ARID1B: variants seen among roughly 807,000 people sequenced by gnomAD.
ARID1B encodes the protein AT-rich interaction domain 1B.
In ARID1B, 30 loss-of-function variants were observed where a neutral mutation model predicts 212.3. That is an observed-to-expected ratio of 0.14 (90% CI 0.11 to 0.19). The LOEUF (loss-of-function observed/expected upper bound fraction) is 0.19. ARID1B is among the 10% of genes least tolerant of loss of function. ARID1B has a pLI of 1.00. For synonymous variants in ARID1B, 1,402 were observed against 1,301.7 expected, an observed-to-expected ratio of 1.08 and a Z score of -1.66; for missense variants, 2,891 against 3,204.0, an observed-to-expected ratio of 0.90 and a Z score of 2.36.
chr6:156,789,448 C>T (rs193047755), intron 1 of ARID1B, among the ~76,000 whole-genome samples: 9 of 152,276 alleles, frequency 5.9e-5, no homozygotes, highest in South Asian at 2.1e-4. Flanking sequence ...AGGCATCATG[C>T]TGGGTGATGG....
chr6:156,956,150 G>A (rs1641144133), intron 4 of ARID1B, among the ~76,000 whole-genome samples: 1 of 152,146 alleles, frequency 6.6e-6, no homozygotes. Flanking sequence ...GTGCACAGGG[G>A]CTGCCTCTAG....
chr6:157,077,401 A>G (rs2128445777), intron 4 of ARID1B, among the ~76,000 whole-genome samples: 1 of 152,246 alleles, frequency 6.6e-6, no homozygotes, highest in East Asian at 1.9e-4. Context: ...GTTCCTTGGC[A>G]TAAGCACGTG....
intron 1 of ARID1B, among the ~76,000 whole-genome samples, chr6:156,817,770 TTTA>T (rs1257346913): frequency 6.6e-6 from 1 of 152,164 alleles, no homozygotes; most frequent in Non-Finnish European, 1.5e-5. Flanking sequence ...CTACATTTAC[TTTA>T]TTATTCTGTC....
At chr6:157,046,147 A>G (rs1350763833) in intron 4 of ARID1B, among the ~76,000 whole-genome samples, 1 of 152,208 alleles carries the variant, frequency 6.6e-6, no homozygotes, top group Non-Finnish European at 1.5e-5. Flanking sequence ...TACCTGTAAT[A>G]TTTTGATACA....
chr6:157,022,717 A>G (rs1780396169), intron 4 of ARID1B: 1 of 151,828 alleles, frequency 6.6e-6, no homozygotes, highest in Non-Finnish European at 1.5e-5. Context: ...CATAAATTCT[A>G]ATTTGTTCTC....
intron 4 of ARID1B, among the ~76,000 whole-genome samples, chr6:157,027,678 C>G (rs1780746597): frequency 6.6e-6 from 1 of 152,200 alleles, no homozygotes; most frequent in African/African-American, 2.4e-5. Context: ...TCATTCTCAC[C>G]TAATCAATAA....
intron 1 of ARID1B, among the ~76,000 whole-genome samples, chr6:156,828,833 A>G (rs1209382934): frequency 6.6e-6 from 1 of 152,284 alleles, no homozygotes; most frequent in South Asian, 2.1e-4. Flanking sequence ...CTTTGAAGGC[A>G]GAAAATGTTA....
At chr6:156,823,688 G>GTTTTTTTTT (rs56983474) in intron 1 of ARID1B, among the ~76,000 whole-genome samples, 1 of 118,030 alleles carries the variant, frequency 8.5e-6, no homozygotes, top group Non-Finnish European at 1.8e-5. Context: ...TTTCTTTGTT[G>GTTTTTTTTT]TTTTTTTTTT....
chr6:156,893,222 C>T (rs1334843430), intron 2 of ARID1B, among the ~76,000 whole-genome samples: 1 of 151,856 alleles, frequency 6.6e-6, no homozygotes, highest in Non-Finnish European at 1.5e-5. Flanking sequence ...TTTGTATTTT[C>T]ACCACATTGG....
chr6:157,207,368 T>A lies in ARID1B; in HGVS notation c.6596T>A (p.Leu2199Gln). 1.2e-6 allele frequency: 2 copies of A among 1,614,220 alleles called. No homozygotes were observed. The highest frequency in any genetic ancestry group is 1.7e-6 in the Non-Finnish European group (2 of 1,180,038). ...PFPTVGPNSV[L>Q]SPQRLVLETL... is the part of the protein sequence containing the mutation. ...CCAACTGTGGGACCCAACTCGGTCC[T>A]GTCGCCTCAGAGACTTGTGCTGGAG... The change falls in exon 20 of 20, where the codon CTG (leucine) becomes CAG (glutamine). Residue 2199 changes from leucine to glutamine, a missense_variant. Transcript: ENST00000636930. This position sits in a 1 kb window ranked among gnomAD's most constrained non-coding sequence, Gnocchi z 8.5.
chr6:156,992,584 C>T (rs1429600836), intron 4 of ARID1B, among the ~76,000 whole-genome samples: 2 of 152,198 alleles, frequency 1.3e-5, no homozygotes, highest in African/African-American at 4.8e-5. Flanking sequence ...AGACGGCTAG[C>T]ACCAGGGCCG....
intron 4 of ARID1B, among the ~76,000 whole-genome samples, chr6:157,033,684 G>C (rs1562564709): frequency 6.6e-6 from 1 of 152,174 alleles, no homozygotes; most frequent in Non-Finnish European, 1.5e-5. Context: ...TGTGCTTTAG[G>C]AGAGTGAGGA....
intron 4 of ARID1B, among the ~76,000 whole-genome samples, chr6:156,973,466 G>T (rs879448408): frequency 3.3e-5 from 5 of 152,066 alleles, no homozygotes; most frequent in Middle Eastern, 3.2e-3. Context: ...CATATGTAGG[G>T]TTATTTTACT....
At chr6:156,890,554 C>G (rs1324452506) in intron 2 of ARID1B, among the ~76,000 whole-genome samples, 1 of 151,996 alleles carries the variant, frequency 6.6e-6, no homozygotes, top group Non-Finnish European at 1.5e-5. Context: ...TGTTTATGGC[C>G]CAGAAGTTAC....
At chr6:156,881,765 G>C (rs1053584427) in intron 2 of ARID1B, among the ~76,000 whole-genome samples, 11 of 152,144 alleles carry the variant, frequency 7.2e-5, no homozygotes, top group African/African-American at 2.4e-4. Context: ...TATTCGATTT[G>C]GGGTGGCGGC....
chr6:156,914,288 A>G (rs930588480), intron 3 of ARID1B, among the ~76,000 whole-genome samples: 2 of 152,190 alleles, frequency 1.3e-5, no homozygotes, highest in African/African-American at 4.8e-5. Flanking sequence ...ATCATGCGGT[A>G]TGAAACAGCT....
In ARID1B at chr6:157,203,308, G is replaced by A. The variant is rs1284734735; in HGVS notation, c.5264-558G>A. 6.6e-6 allele frequency among the ~76,000 whole-genome samples: 1 copy of A among 152,212 alleles called. No individual in the cohort carries two copies. On this transcript the variant is annotated intron_variant, in intron 18 of 19. Coordinates refer to ENST00000636930, the MANE Select transcript of ARID1B (RefSeq NM_001374828.1). This position sits in a 1 kb window ranked among gnomAD's most constrained non-coding sequence, Gnocchi z 4.4. The stretch of plus-strand genomic sequence containing the variant: ...CCTGAGAAATCTGAGCCATCAAAGT[G>A]CTAATATTTATCACAGCATGTTCTG...
At chr6:157,131,129 A>G (rs1458170009) in intron 6 of ARID1B, among the ~76,000 whole-genome samples, 1 of 152,136 alleles carries the variant, frequency 6.6e-6, no homozygotes, top group Non-Finnish European at 1.5e-5. Context: ...CCAAGCACCT[A>G]TGTGTCGTAC....
chr6:156,963,938 T>C (rs1794570711), intron 4 of ARID1B, among the ~76,000 whole-genome samples: 1 of 152,258 alleles, frequency 6.6e-6, no homozygotes, highest in African/African-American at 2.4e-5. Context: ...CCCTTTTCTT[T>C]AGTATGAATA....
Sources: gnomAD v4.1 joint callset for allele counts (sites outside exome capture counted in the v4.1 genomes callset) on GRCh38, gnomAD v4.1.1 for gene constraint, Gnocchi (gnomAD v3.1) non-coding constraint, MANE v1.5 for transcripts, NCBI Gene and HGNC (gene_info 2026-07-23, HGNC 2026-07-21) for gene names.